PDS5A: variants seen among roughly 807,000 people sequenced by gnomAD.
PDS5A encodes the protein sister chromatid cohesion protein PDS5 homolog A.
A neutral mutation model predicts 167.1 loss-of-function variants in PDS5A; 42 were observed. That is an observed-to-expected ratio of 0.25 (90% CI 0.20 to 0.33). The LOEUF (loss-of-function observed/expected upper bound fraction) is 0.33, where lower values mean the gene tolerates loss of function less well. Among genes scored for constraint, PDS5A ranks in the 10% least tolerant of loss-of-function variants. PDS5A has a pLI of 1.00. For synonymous variants in PDS5A, 553 were observed against 554.6 expected, an observed-to-expected ratio of 1.00 and a Z score of 0.04; for missense variants, 1,033 against 1,605.9, an observed-to-expected ratio of 0.64 and a Z score of 6.10.
At position 39,842,055 on chromosome 4, in the gene PDS5A, C is replaced by G. The variant is rs1414038885; in HGVS notation, c.3550G>C (p.Glu1184Gln). Residue 1184 changes from glutamate (E) to glutamine (Q), a missense_variant and splice_region_variant, in exon 31 of 33, where the codon GAA (glutamate) becomes CAA (glutamine). Coordinates refer to ENST00000303538, the MANE Select transcript of PDS5A (RefSeq NM_001100399.2). ...LNPSTGNRSR[E>Q]QSSEAAETGV... Reference sequence around the variant, plus strand: ...GTTTCTGCTGCCTCTGAACTCTGTTCCCTGTTTAAAACAAATAAACCAAGA... The same window carrying G: ...GTTTCTGCTGCCTCTGAACTCTGTTGCCTGTTTAAAACAAATAAACCAAGA... 6.3e-7 allele frequency: 1 copy of G among 1,576,664 alleles called. No individual in the cohort carries two copies. The highest frequency in any genetic ancestry group is 8.7e-7 in the Non-Finnish European group (1 of 1,146,186).
At chr4:39,938,522 C>G (rs1361182481) in intron 2 of PDS5A, among the ~76,000 whole-genome samples, 1 of 151,640 alleles carries the variant, frequency 6.6e-6, no homozygotes, top group African/African-American at 2.4e-5. Flanking sequence ...CCACTGCACT[C>G]CAGCCGGGGT....
At chr4:39,891,488 A>AC in intron 16 of PDS5A, among the ~76,000 whole-genome samples, 1 of 151,880 alleles carries the variant, frequency 6.6e-6, no homozygotes, top group Non-Finnish European at 1.5e-5. Context: ...ATCTCTATTA[A>AC]AAATACAAAA....
At chr4:39,866,707 TGACA>T (rs929827406) in intron 23 of PDS5A, among the ~76,000 whole-genome samples, 150 bp downstream of exon 23, 4 of 152,208 alleles carry the variant, frequency 2.6e-5, no homozygotes, top group African/African-American at 9.6e-5. Context: ...ATAACAATAC[TGACA>T]GACAGACAAA....
intron 16 of PDS5A, among the ~76,000 whole-genome samples, chr4:39,893,847 C>T (rs141531573): frequency 5.8e-4 from 88 of 152,298 alleles, no homozygotes; most frequent in African/African-American, 2.0e-3. Context: ...AACTCATGCT[C>T]TTACCACTGC....
intron 17 of PDS5A, among the ~76,000 whole-genome samples, chr4:39,889,165 A>T (rs1222581903): frequency 6.6e-6 from 1 of 152,222 alleles, no homozygotes; most frequent in Non-Finnish European, 1.5e-5. Flanking sequence ...ATCCAATATG[A>T]CTATTGTTCC....
At chr4:39,895,871 C>CAA (rs1722363852) in intron 16 of PDS5A, among the ~76,000 whole-genome samples, 1 of 151,578 alleles carries the variant, frequency 6.6e-6, no homozygotes, top group Non-Finnish European at 1.5e-5. Flanking sequence ...GCGCCCGCCA[C>CAA]CATGCTCAGC....
Position 39,900,472 on chromosome 4 carries a change from A to C in PDS5A, c.1535T>G (p.Leu512Arg). The C allele has an allele frequency of 6.3e-7, 1 of 1,584,674 alleles. No individual in the cohort carries two copies. Among genetic ancestry groups the C allele is most frequent in the Non-Finnish European group, 8.6e-7 (1 of 1,163,434 alleles). ...LNEMWKCQNM[L>R]RSHVRELLDL... ...CAATAGTTCGCGTACATGGCTCCGA[A>C]GCATGTTCTGACACTTCCACATTTC... Residue 512 changes from leucine to arginine, a missense_variant, in exon 14 of 33, where the codon CTT (leucine) becomes CGT (arginine). Physicochemically the swap from Leu to Arg is moderately radical, Grantham distance 102. Coordinates refer to ENST00000303538, the MANE Select transcript of PDS5A (RefSeq NM_001100399.2).
At chr4:39,874,162 A>C in intron 20 of PDS5A, 127 bp downstream of exon 20, 1 of 671,410 alleles carries the variant, frequency 1.5e-6, no homozygotes, top group Non-Finnish European at 2.4e-6. Context: ...CCTTGCTCAC[A>C]AGGAATTTAT....
At chr4:39,902,572 G>C in intron 12 of PDS5A, 112 bp from the exon 13 acceptor site, 1 of 555,778 alleles carries the variant, frequency 1.8e-6, no homozygotes, top group Non-Finnish European at 3.2e-6. Flanking sequence ...ACCCAGGCTG[G>C]AGTACAGTGG....
chr4:39,839,101 AGTTT>A (rs556511614), intron 31 of PDS5A, among the ~76,000 whole-genome samples: 74 of 152,292 alleles, frequency 4.9e-4, no homozygotes, highest in African/African-American at 1.6e-3. Context: ...TTTCTATGTA[AGTTT>A]GTTTAAGTCA....
At chr4:39,949,210 G>T (rs1323636742) in intron 2 of PDS5A, among the ~76,000 whole-genome samples, 4 of 150,862 alleles carry the variant, frequency 2.7e-5, no homozygotes, top group Non-Finnish European at 4.4e-5. Context: ...GCTGAGGCAG[G>T]AGGATTGCTT....
intron 26 of PDS5A, among the ~76,000 whole-genome samples, chr4:39,854,899 C>T (rs1994076): frequency 0.75 from 113,417 of 152,058 alleles, 42,668 homozygotes; most frequent in Middle Eastern, 0.86. Flanking sequence ...GGTATAATTA[C>T]GAATAATTGT....
At chr4:39,902,324 C>T in intron 13 of PDS5A, 23 bp downstream of exon 13, 1 of 1,009,590 alleles carries the variant, frequency 9.9e-7, no homozygotes, top group Non-Finnish European at 1.5e-6. Flanking sequence ...GAAAATACAG[C>T]AGTTATTTGA....
chr4:39,885,068 G>A (rs745729026), intron 17 of PDS5A, among the ~76,000 whole-genome samples: 1 of 151,786 alleles, frequency 6.6e-6, no homozygotes, highest in Non-Finnish European at 1.5e-5. Context: ...CTCGAGACCA[G>A]CCTGGCCAAG....
At chr4:39,914,158 A>ATTTTTTTTTTTTTTTTTTT (rs1560478626) in intron 8 of PDS5A, among the ~76,000 whole-genome samples, 1 of 133,348 alleles carries the variant, frequency 7.5e-6, no homozygotes, top group African/African-American at 2.6e-5. Context: ...TGATATACAA[A>ATTTTTTTTTTTTTTTTTTT]TTTGTTTTTT....
intron 17 of PDS5A, among the ~76,000 whole-genome samples, chr4:39,886,543 A>G (rs549032825): frequency 6.6e-6 from 1 of 151,982 alleles, no homozygotes; most frequent in South Asian, 2.1e-4. Flanking sequence ...GAGAAACCCC[A>G]TCTCTACTAA....
At chr4:39,914,819 A>G (rs1449249597) in intron 8 of PDS5A, among the ~76,000 whole-genome samples, 16 of 152,198 alleles carry the variant, frequency 1.1e-4, no homozygotes, top group Admixed American at 1.0e-3. Flanking sequence ...GTGTTCAAAT[A>G]TAATATGTGC....
chr4:39,936,565 A>T (rs1350965927), intron 2 of PDS5A, among the ~76,000 whole-genome samples: 1 of 152,008 alleles, frequency 6.6e-6, no homozygotes, highest in Non-Finnish European at 1.5e-5. Flanking sequence ...CTGCCCTAAT[A>T]GCTGGGTGCA....
intron 2 of PDS5A, among the ~76,000 whole-genome samples, chr4:39,969,960 C>CTT (rs10593975): frequency 2.8e-5 from 4 of 143,064 alleles, no homozygotes; most frequent in Non-Finnish European, 3.1e-5. Context: ...AATGTAGAAT[C>CTT]TTTTTTTTTT....
Sources: allele counts gnomAD v4.1 joint callset (sites outside exome capture counted in the v4.1 genomes callset), GRCh38; gene constraint gnomAD v4.1.1; transcripts MANE v1.5; gene names NCBI Gene and HGNC (gene_info 2026-07-23, HGNC 2026-07-21).